The following ELP4 variants were observed in gnomAD, a reference collection of about 807,000 sequenced individuals.
ELP4 encodes the protein elongator acetyltransferase complex subunit 4, also known as elongator complex protein 4.
ELP4 carries 51 observed loss-of-function variants against 48.9 expected under a neutral mutation model. That is an observed-to-expected ratio of 1.04 (90% CI 0.83 to 1.32). ELP4 has a LOEUF of 1.32. Among genes scored for constraint, ELP4 ranks in the 40% most tolerant of loss-of-function variants. The pLI is 0.00. For missense variants in ELP4, 519 were observed against 514.6 expected, an observed-to-expected ratio of 1.01 and a Z score of -0.08; for synonymous variants, 210 against 189.2, an observed-to-expected ratio of 1.11 and a Z score of -0.90.
intron 9 of ELP4, among the ~76,000 whole-genome samples, chr11:31,776,020 A>G (rs1299549396): frequency 6.6e-6 from 1 of 151,948 alleles, no homozygotes; most frequent in Non-Finnish European, 1.5e-5. Context: ...ACTTGGTGGC[A>G]TGCATCTGCG....
chr11:31,788,044 T>C lies in ELP4; in HGVS notation c.*4520T>C. The C allele has an allele frequency of 4.5e-6, 1 of 223,094 alleles. No individual in the cohort carries two copies. The highest frequency in any genetic ancestry group is 6.5e-5 in the East Asian group (1 of 15,412). The allele number at this position is 223,094 out of a possible 1,614,324, so 13.8% of individuals were successfully genotyped here. Reference sequence around the variant, plus strand: ...CAGAGGAAGACTTATCTGTATTGACTTATATGTTGCACAGAACAAATGAAA... The same window carrying C: ...CAGAGGAAGACTTATCTGTATTGACCTATATGTTGCACAGAACAAATGAAA... On this transcript the variant is annotated 3_prime_UTR_variant, in exon 10 of 10. Transcript: ENST00000640961.
chr11:31,720,623 T>G (rs1946940829), intron 9 of ELP4, among the ~76,000 whole-genome samples: 1 of 152,214 alleles, frequency 6.6e-6, no homozygotes, highest in Admixed American at 6.5e-5. Flanking sequence ...TCACTGAAAC[T>G]TACACGTTAA....
chr11:31,672,966 A>G (rs2134109610), intron 9 of ELP4, among the ~76,000 whole-genome samples: 1 of 152,308 alleles, frequency 6.6e-6, no homozygotes, highest in South Asian at 2.1e-4. Context: ...GGAAATTAAT[A>G]AAACTATAAA....
chr11:31,669,034 G>A (rs1373168012), intron 9 of ELP4, among the ~76,000 whole-genome samples: 1 of 151,646 alleles, frequency 6.6e-6, no homozygotes, highest in Admixed American at 6.6e-5. Flanking sequence ...CTCACTTGCA[G>A]TCTCCTCAAT....
chr11:31,564,108 A>G (rs547814525), intron 3 of ELP4, among the ~76,000 whole-genome samples: 13 of 152,340 alleles, frequency 8.5e-5, no homozygotes, highest in African/African-American at 2.9e-4. Flanking sequence ...GACTCCCAGT[A>G]AGTAACATAG....
chr11:31,609,624 G>A (rs1018477480), intron 5 of ELP4, among the ~76,000 whole-genome samples: 5 of 152,028 alleles, frequency 3.3e-5, no homozygotes, highest in East Asian at 3.9e-4. Flanking sequence ...ATGCCCGGCC[G>A]GGGTCTGTGG....
chr11:31,577,643 C>A (rs191948146), intron 3 of ELP4, among the ~76,000 whole-genome samples: 1 of 151,946 alleles, frequency 6.6e-6, no homozygotes, highest in Non-Finnish European at 1.5e-5. Flanking sequence ...GTTCAACATA[C>A]GCGAATCAAT....
rs1448205436 is a variant in ELP4 at position 31,632,416 on chromosome 11, T to C, written c.927+11T>C. On this transcript the variant is annotated intron_variant, in intron 7 of 9. Coordinates refer to ENST00000640961, the MANE Select transcript of ELP4 (RefSeq NM_019040.5). The stretch of plus-strand genomic sequence containing the variant: ...ACACATCTGATCCAGGTACGAAATT[T>C]CCAGAACTACTTTTTCATAATTCAT... 1.3e-6 allele frequency: 2 copies of C among 1,591,048 alleles called. No homozygotes were observed. The highest frequency in any genetic ancestry group is 1.7e-6 in the Non-Finnish European group (2 of 1,171,648).
At chr11:31,550,296 T>A (rs1441926364) in intron 3 of ELP4, among the ~76,000 whole-genome samples, 1 of 152,030 alleles carries the variant, frequency 6.6e-6, no homozygotes, top group Non-Finnish European at 1.5e-5. Context: ...AGAAAGAGAA[T>A]AGAGGAAAAA....
chr11:31,665,462 A>G (rs1187631689), intron 9 of ELP4, among the ~76,000 whole-genome samples: 2 of 152,016 alleles, frequency 1.3e-5, no homozygotes, highest in Admixed American at 6.6e-5. Flanking sequence ...AGTACTTCCT[A>G]TAGGTTAGCT....
intron 9 of ELP4, among the ~76,000 whole-genome samples, chr11:31,676,157 C>T (rs927791295): frequency 6.6e-6 from 1 of 152,084 alleles, no homozygotes; most frequent in Admixed American, 6.5e-5. Context: ...ACACTGGCCT[C>T]CTTGCTTGAA....
chr11:31,536,649 G>A (rs1265183526), intron 2 of ELP4, among the ~76,000 whole-genome samples: 2 of 152,154 alleles, frequency 1.3e-5, no homozygotes, highest in Admixed American at 6.5e-5. Context: ...ACCGCATCTG[G>A]TCTGCCAAAC....
chr11:31,541,140 T>C (rs1228297657), intron 3 of ELP4, among the ~76,000 whole-genome samples: 1 of 152,224 alleles, frequency 6.6e-6, no homozygotes, highest in Admixed American at 6.5e-5. Context: ...TAAATACTAA[T>C]TCATAATACC....
intron 9 of ELP4, among the ~76,000 whole-genome samples, chr11:31,765,618 C>G (rs987559978): frequency 6.6e-6 from 1 of 151,860 alleles, no homozygotes; most frequent in African/African-American, 2.4e-5. Flanking sequence ...AAAATTACAA[C>G]GAAAGAATTT....
At chr11:31,650,848 T>A (rs946534072) in intron 9 of ELP4, 2 of 151,786 alleles carry the variant, frequency 1.3e-5, no homozygotes, top group Non-Finnish European at 2.9e-5. Context: ...GATGTATTTA[T>A]TAATGAAGTA....
At chr11:31,662,533 C>G in intron 9 of ELP4, 3 of 397,682 alleles carry the variant, frequency 7.5e-6, no homozygotes, top group Non-Finnish European at 1.3e-5. Context: ...CAGTGCATCA[C>G]TAAGTTGAGA....
chr11:31,520,715 A>G (rs569057823), intron 2 of ELP4, among the ~76,000 whole-genome samples: 3 of 151,748 alleles, frequency 2.0e-5, no homozygotes, highest in Admixed American at 6.5e-5. Context: ...GTCCTCTGAT[A>G]TAATATAAAT....
intron 9 of ELP4, among the ~76,000 whole-genome samples, chr11:31,734,018 C>T (rs1253489748): frequency 1.3e-5 from 2 of 152,158 alleles, no homozygotes; most frequent in Non-Finnish European, 2.9e-5. Context: ...AATCATACAT[C>T]ATACCAAATG....
chr11:31,715,264 G>T (rs1946821848), intron 9 of ELP4, among the ~76,000 whole-genome samples: 1 of 152,042 alleles, frequency 6.6e-6, no homozygotes, highest in East Asian at 1.9e-4. Flanking sequence ...TGTGGACATG[G>T]CCAAAAAAAC....
Sources: gnomAD v4.1 joint callset for allele counts (sites outside exome capture counted in the v4.1 genomes callset) on GRCh38, gnomAD v4.1.1 for gene constraint, MANE v1.5 for transcripts, NCBI Gene and HGNC (gene_info 2026-07-23, HGNC 2026-07-21) for gene names.